Variants in NCAM2 observed in about 807,000 individuals in gnomAD.
NCAM2 encodes the protein neural cell adhesion molecule 2.
A neutral mutation model predicts 98.1 loss-of-function variants in NCAM2; 30 were observed. The observed-to-expected ratio is 0.31, with a 90% CI of 0.23 to 0.41. The LOEUF is 0.41. Among genes scored for constraint, NCAM2 ranks in the 10% least tolerant of loss-of-function variants. The pLI, the probability that NCAM2 is intolerant of heterozygous loss-of-function variation, is 1.00. For missense variants in NCAM2, 867 were observed against 1,005.8 expected, an observed-to-expected ratio of 0.86 and a Z score of 1.87; for synonymous variants, 368 against 342.4, an observed-to-expected ratio of 1.07 and a Z score of -0.83.
chr21:21,468,783 T>G lies in NCAM2; in HGVS notation c.1896T>G (p.Ser632Arg), dbSNP rs201578279. The change falls in exon 14 of 18, where the codon AGT (serine) becomes AGG (arginine). Residue 632 changes from serine (S) to arginine (R), a missense_variant and splice_region_variant. By Grantham distance (110) the Ser-to-Arg change is moderately radical (BLOSUM62 -1). Around this residue, in one of 5 missense-constraint regions of NCAM2, gnomAD observed 234 missense variants for 333.8 expected, o/e 0.70. Transcript: ENST00000400546. ...TGGAATACATTGTGAAATATAGAAG[T>G]GTAAGTACCTTGTTTATTGTCATAT... ...PILEYIVKYR[S>R]KDKEDQWLEK... The G allele has an allele frequency of 1.2e-5, 19 of 1,608,652 alleles. No homozygotes were observed. The highest frequency in any genetic ancestry group is 8.5e-7 in the Non-Finnish European group (1 of 1,176,868).
rs539014687 is a variant in NCAM2, at chr21:21,432,104, A to G, written c.1481-4A>G. On this transcript the variant is annotated splice_region_variant and splice_polypyrimidine_tract_variant and intron_variant, in intron 11 of 17. Transcript: ENST00000400546. The stretch of plus-strand genomic sequence containing the variant: ...ATGTTTTCTTTATATTTCTTTGTCC[A>G]TAGACGTGCCATCCAGTCCCTATGG... The G allele has an allele frequency of 3.7e-6, 6 of 1,612,994 alleles. No homozygotes were observed. In the South Asian group the frequency reaches 6.6e-5, roughly 18 times the overall value.
chr21:21,106,314 C>CAAAAAAAAAA (rs202018731), intron 1 of NCAM2, among the ~76,000 whole-genome samples: 8 of 103,462 alleles, frequency 7.7e-5, no homozygotes, highest in East Asian at 3.2e-4. Flanking sequence ...GTCTCAAAAG[C>CAAAAAAAAAA]AAAAAAAAAA....
At chr21:21,322,071 G>A (rs997986599) in intron 5 of NCAM2, among the ~76,000 whole-genome samples, 2 of 152,114 alleles carry the variant, frequency 1.3e-5, no homozygotes, top group Non-Finnish European at 2.9e-5. Flanking sequence ...ACCCATCAAC[G>A]GTGGACTGGA....
chr21:21,450,917 A>C (rs1980963113), intron 12 of NCAM2, among the ~76,000 whole-genome samples: 1 of 151,932 alleles, frequency 6.6e-6, no homozygotes, highest in Non-Finnish European at 1.5e-5. Context: ...CACACAGGTT[A>C]AATGCTGCTT....
chr21:21,355,238 A>G (rs2075438833), intron 8 of NCAM2, among the ~76,000 whole-genome samples: 1 of 152,088 alleles, frequency 6.6e-6, no homozygotes, highest in South Asian at 2.1e-4. Flanking sequence ...GTTCAAGCCC[A>G]GCCTGGCCAA....
At chr21:21,076,102 G>A (rs2146384364) in intron 1 of NCAM2, among the ~76,000 whole-genome samples, 1 of 146,524 alleles carries the variant, frequency 6.8e-6, no homozygotes, top group South Asian at 2.1e-4. Flanking sequence ...GAGCGACAGA[G>A]TGAGACCCCA....
chr21:21,318,215 A>C (rs2074274802), intron 5 of NCAM2, among the ~76,000 whole-genome samples: 1 of 152,222 alleles, frequency 6.6e-6, no homozygotes, highest in Non-Finnish European at 1.5e-5. Context: ...AAAGAATATA[A>C]AAATTGCCAT....
chr21:21,523,263 C>T lies in NCAM2; in HGVS notation c.2283-11274C>T, dbSNP rs147000467. 7.1e-4 allele frequency among the ~76,000 whole-genome samples: 108 copies of T among 152,030 alleles called. 3 individuals carry two copies. The East Asian group carries it at 0.021, about 29-fold the overall frequency. ...GAGGTCTTACTCAAGAAATCTTTGC[C>T]CAGACCAATGTCCTGAAGAATTTCC... On this transcript the variant is annotated intron_variant, in intron 16 of 17. Coordinates refer to ENST00000400546, the MANE Select transcript of NCAM2 (RefSeq NM_004540.5).
At chr21:21,389,159 C>T (rs568663095) in intron 9 of NCAM2, among the ~76,000 whole-genome samples, 14 of 152,282 alleles carry the variant, frequency 9.2e-5, no homozygotes, top group East Asian at 5.8e-4. Context: ...ACTCACAGTT[C>T]CACATGGGTG....
chr21:21,365,888 T>C (rs922021967), intron 8 of NCAM2, among the ~76,000 whole-genome samples: 1 of 152,104 alleles, frequency 6.6e-6, no homozygotes, highest in Non-Finnish European at 1.5e-5. Context: ...TGATTTCCTT[T>C]TGGGGGAGTA....
intron 13 of NCAM2, 148 bp downstream of exon 13, chr21:21,466,873 G>A: frequency 2.5e-6 from 2 of 799,122 alleles, no homozygotes; most frequent in Non-Finnish European, 1.9e-6. Flanking sequence ...AGTGACATCT[G>A]AGATTTATTA....
At chr21:21,299,673 C>T (rs966251586) in intron 5 of NCAM2, among the ~76,000 whole-genome samples, 1 of 145,470 alleles carries the variant, frequency 6.9e-6, no homozygotes, top group Non-Finnish European at 1.5e-5. Context: ...ATTTCTAGAA[C>T]TAGAAAGCAA....
chr21:21,269,750 G>A (rs1312758438), intron 1 of NCAM2, among the ~76,000 whole-genome samples: 1 of 152,098 alleles, frequency 6.6e-6, no homozygotes, highest in African/African-American at 2.4e-5. Flanking sequence ...ATGTGGAAGA[G>A]GGTGTTTTCC....
intron 8 of NCAM2, among the ~76,000 whole-genome samples, chr21:21,371,566 T>A (rs1602136243): frequency 6.6e-6 from 1 of 151,874 alleles, no homozygotes; most frequent in Middle Eastern, 3.4e-3. Context: ...CATATCTTTC[T>A]TATGTCCTCT....
chr21:21,326,371 C>T (rs1406405669), intron 6 of NCAM2, among the ~76,000 whole-genome samples: 1 of 152,152 alleles, frequency 6.6e-6, no homozygotes, highest in African/African-American at 2.4e-5. Context: ...TATTAGAACA[C>T]TTACCATCAA....
chr21:21,013,940 G>A (rs541420381), intron 1 of NCAM2, among the ~76,000 whole-genome samples: 1 of 152,324 alleles, frequency 6.6e-6, no homozygotes, highest in East Asian at 1.9e-4. Flanking sequence ...ATGAAGGCAG[G>A]ACTACACTAA....
At chr21:21,531,234 G>T (rs1246225817) in intron 16 of NCAM2, among the ~76,000 whole-genome samples, 2 of 151,944 alleles carry the variant, frequency 1.3e-5, no homozygotes, top group Non-Finnish European at 2.9e-5. Flanking sequence ...TTACATGAAA[G>T]TTTATATTTT....
chr21:21,241,638 C>G (rs1476199334), intron 1 of NCAM2, among the ~76,000 whole-genome samples: 2 of 151,828 alleles, frequency 1.3e-5, no homozygotes, highest in Non-Finnish European at 2.9e-5. Context: ...CAACTCCATT[C>G]ATGTGAAGGA....
At chr21:21,429,168 G>A (rs1349190953) in intron 11 of NCAM2, among the ~76,000 whole-genome samples, 1 of 152,206 alleles carries the variant, frequency 6.6e-6, no homozygotes, top group Non-Finnish European at 1.5e-5. Flanking sequence ...AGTGTCAGCA[G>A]ATCTGAAAAC....
Sources: gnomAD v4.1 joint callset for allele counts (sites outside exome capture counted in the v4.1 genomes callset) on GRCh38, gnomAD v4.1.1 for gene constraint, gnomAD v4.1.1 regional missense constraint, MANE v1.5 for transcripts, NCBI Gene and HGNC (gene_info 2026-07-23, HGNC 2026-07-21) for gene names.